CNTN4: variants seen among roughly 807,000 people sequenced by gnomAD.
CNTN4 encodes the protein contactin 4, also known as contactin-4.
Under a neutral mutation model 122.5 loss-of-function variants are expected in CNTN4, and 77 were observed. The ratio of observed to expected loss-of-function variants is 0.63; its 90% CI spans 0.52 to 0.76. The LOEUF is 0.76. CNTN4 is among the 30% of genes least tolerant of loss of function. CNTN4 has a pLI of 0.00. For synonymous variants in CNTN4, 512 were observed against 447.0 expected, an observed-to-expected ratio of 1.15 and a Z score of -1.83; for missense variants, 1,256 against 1,259.1, an observed-to-expected ratio of 1.00 and a Z score of 0.04.
At chr3:2,970,809 A>G (rs565455850) in intron 13 of CNTN4, among the ~76,000 whole-genome samples, 1 of 151,298 alleles carries the variant, frequency 6.6e-6, no homozygotes, top group East Asian at 2.0e-4. Flanking sequence ...TTTTTTTGAG[A>G]CCGATTCTCA....
At chr3:2,893,064 A>C (rs140356412) in intron 10 of CNTN4, among the ~76,000 whole-genome samples, 2 of 152,364 alleles carry the variant, frequency 1.3e-5, no homozygotes, top group East Asian at 3.9e-4. Context: ...GTCACAAATG[A>C]AAACATCTGG....
At chr3:2,393,620 TAATG>T (rs1438049288) in intron 3 of CNTN4, among the ~76,000 whole-genome samples, 1 of 152,208 alleles carries the variant, frequency 6.6e-6, no homozygotes, top group Non-Finnish European at 1.5e-5. Context: ...TAAAGTATAA[TAATG>T]AACATTTCAA....
In CNTN4 at chr3:2,385,741, A is replaced by G. The variant is rs967197785; in HGVS notation, c.-89+46508A>G. ...AATTTTTTCCTCTTCTCATAAGGAC[A>G]TAAGTCTTATTGGATATGACCTATC... On this transcript the variant is annotated intron_variant, in intron 3 of 24. Transcript: ENST00000418658. The surrounding 1 kb of genome is among the most constrained non-coding windows in gnomAD (Gnocchi z 4.0). 1.3e-5 allele frequency among the ~76,000 whole-genome samples: 2 copies of G among 152,124 alleles called. No individual in the cohort carries two copies. Among genetic ancestry groups the G allele is most frequent in the African/African-American group, 2.4e-5 (1 of 41,462 alleles).
intron 4 of CNTN4, among the ~76,000 whole-genome samples, chr3:2,729,330 C>T (rs568789820): frequency 1.3e-5 from 2 of 151,172 alleles, no homozygotes; most frequent in African/African-American, 4.9e-5. Flanking sequence ...TTTGGGAGGC[C>T]AAGGCGGGCG....
At chr3:2,681,321 G>A (rs1364162852) in intron 4 of CNTN4, among the ~76,000 whole-genome samples, 1 of 152,172 alleles carries the variant, frequency 6.6e-6, no homozygotes, top group East Asian at 1.9e-4. Flanking sequence ...TAATTATACA[G>A]AATTTCTAAA....
intron 4 of CNTN4, among the ~76,000 whole-genome samples, chr3:2,659,904 C>G (rs746042378): frequency 6.6e-6 from 1 of 152,170 alleles, no homozygotes; most frequent in Non-Finnish European, 1.5e-5. Flanking sequence ...TCAGATACAT[C>G]GAACTGGAAA....
At chr3:2,441,809 C>T (rs1164281439) in intron 3 of CNTN4, among the ~76,000 whole-genome samples, 5 of 152,074 alleles carry the variant, frequency 3.3e-5, no homozygotes, top group African/African-American at 1.2e-4. Flanking sequence ...AAGCTGTTGG[C>T]AGTGTGCAGT....
intron 1 of CNTN4, among the ~76,000 whole-genome samples, chr3:2,100,120 C>T (rs936476672): frequency 3.3e-5 from 5 of 151,878 alleles, no homozygotes; most frequent in African/African-American, 1.2e-4. Flanking sequence ...GACTGAGCAC[C>T]CTGGGTGTGT....
At chr3:2,879,174 T>C (rs1577131276) in intron 8 of CNTN4, among the ~76,000 whole-genome samples, 2 of 152,110 alleles carry the variant, frequency 1.3e-5, no homozygotes, top group Non-Finnish European at 2.9e-5. Context: ...GGTGTCCTTC[T>C]AAGAACACAA....
chr3:2,121,024 G>A (rs1574871479), intron 2 of CNTN4, among the ~76,000 whole-genome samples: 1 of 152,112 alleles, frequency 6.6e-6, no homozygotes, highest in African/African-American at 2.4e-5. Flanking sequence ...TGCATCTGAA[G>A]CCACTTGAAA....
intron 3 of CNTN4, among the ~76,000 whole-genome samples, chr3:2,401,008 A>G (rs1236095450): frequency 6.6e-6 from 1 of 152,060 alleles, no homozygotes; most frequent in Non-Finnish European, 1.5e-5. Context: ...CACATAAATA[A>G]TCACTTCATT....
At chr3:2,697,776 T>C (rs2086126810) in intron 4 of CNTN4, among the ~76,000 whole-genome samples, 1 of 152,204 alleles carries the variant, frequency 6.6e-6, no homozygotes, top group Non-Finnish European at 1.5e-5. Flanking sequence ...CTGTCAAGTC[T>C]GAATTGCACA....
intron 2 of CNTN4, among the ~76,000 whole-genome samples, chr3:2,281,179 C>T (rs1427654973): frequency 6.6e-6 from 1 of 152,152 alleles, no homozygotes. Context: ...TATACCTCTT[C>T]CATTTTTTAT....
chr3:2,186,479 A>G (rs1417457371), intron 2 of CNTN4, among the ~76,000 whole-genome samples: 6 of 152,148 alleles, frequency 3.9e-5, no homozygotes, highest in Non-Finnish European at 7.3e-5. Context: ...TGGTATTTCT[A>G]GTTCTAGATC....
chr3:2,288,624 C>T (rs949598396), intron 2 of CNTN4, among the ~76,000 whole-genome samples: 3 of 152,034 alleles, frequency 2.0e-5, no homozygotes, highest in Admixed American at 2.0e-4. Context: ...AAGATTGCAA[C>T]ACACTGAGAT....
chr3:2,373,053 C>A (rs2045689762), intron 3 of CNTN4, among the ~76,000 whole-genome samples: 1 of 152,072 alleles, frequency 6.6e-6, no homozygotes, highest in Non-Finnish European at 1.5e-5. Flanking sequence ...TCTCAAAAAT[C>A]ATAATAAAAT....
chr3:2,362,945 A>G (rs966545871), intron 3 of CNTN4, among the ~76,000 whole-genome samples: 1 of 151,976 alleles, frequency 6.6e-6, no homozygotes, highest in Non-Finnish European at 1.5e-5. Flanking sequence ...AAAGCAATTG[A>G]AGAACATTAC....
chr3:3,020,276 C>G (rs1698167751), intron 14 of CNTN4, among the ~76,000 whole-genome samples: 1 of 152,112 alleles, frequency 6.6e-6, no homozygotes, highest in Non-Finnish European at 1.5e-5. Context: ...AACTAGGCAC[C>G]AGGGACTTAT....
chr3:2,190,019 C>T (rs567873523), intron 2 of CNTN4, among the ~76,000 whole-genome samples: 139 of 152,214 alleles, frequency 9.1e-4, no homozygotes, highest in Non-Finnish European at 1.1e-3. Context: ...AGACTCTGCT[C>T]TCCTGCAGAT....
Sources: allele counts gnomAD v4.1 joint callset (sites outside exome capture counted in the v4.1 genomes callset), GRCh38; gene constraint gnomAD v4.1.1; non-coding constraint Gnocchi (gnomAD v3.1); transcripts MANE v1.5; gene names NCBI Gene and HGNC (gene_info 2026-07-23, HGNC 2026-07-21).